TIAM2: variants seen among roughly 807,000 people sequenced by gnomAD.
TIAM2 encodes rho guanine nucleotide exchange factor TIAM2.
In TIAM2, 80 loss-of-function variants were observed where a neutral mutation model predicts 152.9. That is an observed-to-expected ratio of 0.52 (90% CI 0.44 to 0.63). The LOEUF (loss-of-function observed/expected upper bound fraction) is 0.63, where lower values mean the gene tolerates loss of function less well. Ranked by LOEUF, TIAM2 falls within the 30% of genes least tolerant of loss-of-function variation. The probability of loss-of-function intolerance (pLI) is 0.00; values close to 1 mark genes in which losing one functional copy is unlikely to be tolerated. For synonymous variants in TIAM2, 804 were observed against 838.0 expected (o/e 0.96, Z 0.70); for missense variants, 1,965 against 2,120.1 (o/e 0.93, Z 1.44).
In TIAM2 at chr6:155,186,352, T is replaced by C. The variant is rs1458582116; in HGVS notation, c.3064+2852T>C. ...TCTACACAGCTCTGCAGATGGGCCC[T>C]GGAATGAGCCCCAGCTGTACACAGC... On this transcript the variant is annotated intron_variant, in intron 14 of 26. Transcript: ENST00000682666. The surrounding 1 kb of genome is among the most constrained non-coding windows in gnomAD (Gnocchi z 4.5). Among the ~76,000 whole-genome samples, 2 of 152,106 alleles carry C rather than the reference T, an allele frequency of 1.3e-5. No individual in the cohort carries two copies. The highest frequency in any genetic ancestry group is 4.8e-5 in the African/African-American group (2 of 41,424).
rs558787179 is a variant in TIAM2, at chr6:155,198,389, G to A, written c.3065-12815G>A. On this transcript the variant is annotated intron_variant, in intron 14 of 26. Transcript: ENST00000682666. ...TAGAAATCTCTTAATGAGGCCGGGC[G>A]TGGTGGCTCACGCCTGTAATCCCAG... is the stretch of plus-strand genomic sequence containing the variant. Among the ~76,000 whole-genome samples, 9 of 152,284 alleles carry A rather than the reference G, an allele frequency of 5.9e-5. No individual in the cohort carries two copies. The East Asian group carries it at 1.2e-3, about 20-fold the overall frequency.
chr6:155,128,697 TAA>T (rs11368126), intron 3 of TIAM2, among the ~76,000 whole-genome samples: 50 of 140,678 alleles, frequency 3.6e-4, no homozygotes, highest in African/African-American at 5.7e-4. Flanking sequence ...CCCATATCTT[TAA>T]AAAAAAAAAA....
intron 2 of TIAM2, among the ~76,000 whole-genome samples, chr6:155,115,814 C>T (rs1412497606): frequency 6.6e-6 from 1 of 152,160 alleles, no homozygotes; most frequent in African/African-American, 2.4e-5. Flanking sequence ...TATCCCGGCA[C>T]ACAGCAGCAT....
At chr6:155,255,303 A>C (rs901818471) in intron 26 of TIAM2, 1 of 152,202 alleles carries the variant, frequency 6.6e-6, no homozygotes, top group Non-Finnish European at 1.5e-5. Context: ...ACTCGTTCTT[A>C]ATCGATAGGG....
intron 1 of TIAM2, among the ~76,000 whole-genome samples, chr6:155,048,419 A>G (rs546158781): frequency 6.6e-6 from 1 of 152,300 alleles, no homozygotes; most frequent in Non-Finnish European, 1.5e-5. Context: ...TATGGATTGT[A>G]TGTTTTGCCA....
At chr6:155,199,167 C>A (rs1781424054) in intron 14 of TIAM2, among the ~76,000 whole-genome samples, 1 of 151,964 alleles carries the variant, frequency 6.6e-6, no homozygotes, top group Admixed American at 6.6e-5. Flanking sequence ...CCTCTGCCTC[C>A]CAGGTTCAAG....
intron 7 of TIAM2, among the ~76,000 whole-genome samples, chr6:155,152,397 C>A (rs1430227894): frequency 1.3e-5 from 2 of 152,206 alleles, no homozygotes; most frequent in African/African-American, 2.4e-5. Context: ...AGGGGCCTCA[C>A]CCTGCTCACA....
At chr6:155,100,739 A>G (rs1225202150) in intron 2 of TIAM2, among the ~76,000 whole-genome samples, 1 of 152,314 alleles carries the variant, frequency 6.6e-6, no homozygotes, top group East Asian at 1.9e-4. Context: ...ATTTACATCT[A>G]TTGTTTTACA....
At chr6:155,088,218 CTAA>C (rs901492413) in intron 1 of TIAM2, among the ~76,000 whole-genome samples, 1 of 152,046 alleles carries the variant, frequency 6.6e-6, no homozygotes, top group African/African-American at 2.4e-5. Flanking sequence ...CCACGCCCGG[CTAA>C]TGTTTTGTAT....
At chr6:155,058,347 T>C (rs1562303480) in intron 1 of TIAM2, among the ~76,000 whole-genome samples, 1 of 152,180 alleles carries the variant, frequency 6.6e-6, no homozygotes, top group Admixed American at 6.6e-5. Flanking sequence ...TAGTATATGG[T>C]TAGTTCCCCA....
chr6:155,056,167 C>CTTTTTTT (rs763205169), intron 1 of TIAM2, among the ~76,000 whole-genome samples: 11 of 98,610 alleles, frequency 1.1e-4, no homozygotes, highest in African/African-American at 3.2e-4. Context: ...TATTGTTCTT[C>CTTTTTTT]TTTTTTTTTT....
At chr6:155,247,700 A>G (rs1254111738) in intron 19 of TIAM2, among the ~76,000 whole-genome samples, 1 of 152,156 alleles carries the variant, frequency 6.6e-6, no homozygotes, top group Non-Finnish European at 1.5e-5. Context: ...TCTCATGGGT[A>G]TGCATGAAAT....
intron 7 of TIAM2, among the ~76,000 whole-genome samples, chr6:155,160,077 A>AAG (rs1323272628): frequency 6.6e-6 from 1 of 152,194 alleles, no homozygotes; most frequent in African/African-American, 2.4e-5. Flanking sequence ...AGTTATGGAG[A>AAG]AGAGCAAGTC....
At chr6:155,024,414 G>A (rs1776558247) in intron 1 of TIAM2, among the ~76,000 whole-genome samples, 1 of 151,982 alleles carries the variant, frequency 6.6e-6, no homozygotes. Flanking sequence ...AAGAAATTGT[G>A]CATTTTTTTT....
chr6:155,114,603 T>A (rs1054836987), intron 2 of TIAM2, among the ~76,000 whole-genome samples: 2 of 152,166 alleles, frequency 1.3e-5, no homozygotes, highest in Non-Finnish European at 2.9e-5. Flanking sequence ...TTGCATAATG[T>A]TCTTTATAAG....
rs1234690648 is a variant in TIAM2 at position 155,156,853 on chromosome 6, C to T, written c.2029-7562C>T. ...CTGTGCACAAATGTGCCCTGCTCCC[C>T]TCCGCCCTCTTCATCTGGCTCACCC... On this transcript the variant is annotated intron_variant, in intron 7 of 26. Transcript: ENST00000682666. The surrounding 1 kb of genome is among the most constrained non-coding windows in gnomAD (Gnocchi z 4.4). Among the ~76,000 whole-genome samples the T allele has an allele frequency of 6.6e-6, 1 of 152,146 alleles. No homozygotes were observed. Among genetic ancestry groups the T allele is most frequent in the Non-Finnish European group, 1.5e-5 (1 of 68,030 alleles).
chr6:155,014,206 T>C (rs977435010), intron 1 of TIAM2, among the ~76,000 whole-genome samples: 22 of 152,198 alleles, frequency 1.4e-4, no homozygotes, highest in African/African-American at 5.3e-4. Flanking sequence ...ATATTTTTCT[T>C]TGTCTATTCT....
intron 5 of TIAM2, among the ~76,000 whole-genome samples, chr6:155,140,268 G>A (rs1779661065): frequency 6.6e-6 from 1 of 152,150 alleles, no homozygotes; most frequent in Admixed American, 6.5e-5. Context: ...TTGTCCTGGA[G>A]GATCCCTAAA....
chr6:155,125,882 A>C (rs1237857193), intron 2 of TIAM2, among the ~76,000 whole-genome samples: 1 of 152,106 alleles, frequency 6.6e-6, no homozygotes, highest in East Asian at 1.9e-4. Context: ...AGAATAACCT[A>C]AGTGGTGTGC....
Sources: gnomAD v4.1 joint callset for allele counts (sites outside exome capture counted in the v4.1 genomes callset) on GRCh38, gnomAD v4.1.1 for gene constraint, Gnocchi (gnomAD v3.1) non-coding constraint, MANE v1.5 for transcripts, NCBI Gene and HGNC (gene_info 2026-07-23, HGNC 2026-07-21) for gene names.